Variants in ZNF469 observed in about 807,000 individuals in gnomAD.
The protein encoded by ZNF469 is zinc finger protein 469.
Under a neutral mutation model 1.0 loss-of-function variants are expected in ZNF469, and 1 was observed. The observed-to-expected ratio is 1.00, with a 90% confidence interval of 0.35 to 4.73. The LOEUF (loss-of-function observed/expected upper bound fraction) is 4.73, where lower values mean the gene tolerates loss of function less well. Among genes scored for constraint, ZNF469 ranks in the 30% most tolerant of loss-of-function variants. ZNF469 has a pLI of 0.16. For synonymous variants in ZNF469, 2,703 were observed against 2,363.4 expected, an observed-to-expected ratio of 1.14 and a Z score of -4.17; for missense variants, 6,100 against 5,356.3, an observed-to-expected ratio of 1.14 and a Z score of -4.33.
the ZNF469 span, among the ~76,000 whole-genome samples, chr16:88,343,570 G>A: frequency 3.3e-5 from 5 of 152,286 alleles, no homozygotes; most frequent in South Asian, 6.2e-4. Flanking sequence ...TGGAGACTGG[G>A]AAGTCCAAGG....
intron 1 of ZNF469, among the ~76,000 whole-genome samples, chr16:88,393,415 G>A (rs1566449): frequency 0.029 from 4,388 of 152,328 alleles, 198 homozygotes; most frequent in African/African-American, 0.1. Flanking sequence ...TTGGATGTCT[G>A]GGCTGTGTTT....
chr16:88,323,474 C>A, the ZNF469 span, among the ~76,000 whole-genome samples: 1 of 152,258 alleles, frequency 6.6e-6, no homozygotes, highest in Non-Finnish European at 1.5e-5. Context: ...CATCACTCAG[C>A]AGCAAAGGCC....
At chr16:88,133,342 T>C in the ZNF469 span, among the ~76,000 whole-genome samples, 15 of 152,344 alleles carry the variant, frequency 9.8e-5, no homozygotes, top group South Asian at 1.2e-3. Context: ...AGAACGTCTT[T>C]TGCACAGAGG....
chr16:88,179,429 C>G, the ZNF469 span, among the ~76,000 whole-genome samples: 41 of 152,352 alleles, frequency 2.7e-4, no homozygotes, highest in African/African-American at 9.9e-4. Flanking sequence ...GCAGGAGCAG[C>G]CGGAGGCCCC....
the ZNF469 span, among the ~76,000 whole-genome samples, chr16:88,211,881 C>T: frequency 6.6e-6 from 1 of 152,210 alleles, no homozygotes; most frequent in African/African-American, 2.4e-5. Flanking sequence ...GTTCACCCAG[C>T]ACCATTCCCT....
chr16:88,415,786 G>T (rs1350751862), intron 1 of ZNF469, among the ~76,000 whole-genome samples: 1 of 152,208 alleles, frequency 6.6e-6, no homozygotes, highest in East Asian at 1.9e-4. Flanking sequence ...GGGACCGACG[G>T]CTTCTTCCAG....
Position 88,439,410 on chromosome 16 carries a change from G to A in ZNF469, c.*78G>A. 6.7e-7 allele frequency: 1 copy of A among 1,483,372 alleles called. No homozygotes were observed. Among genetic ancestry groups the A allele is most frequent in the Non-Finnish European group, 9.2e-7 (1 of 1,087,800 alleles). 91.9% of individuals were successfully genotyped at this position (1,483,372 alleles called of 1,614,324 possible). On this transcript the variant is annotated 3_prime_UTR_variant, in exon 3 of 3. Coordinates refer to ENST00000565624, the MANE Select transcript of ZNF469 (RefSeq NM_001367624.2). Reference sequence around the variant, plus strand: ...CCTCCTTGGCCAGCTCCGGCTCCCTGAGATGGTCCACTCTGTGGCCACTTG... The same window carrying A: ...CCTCCTTGGCCAGCTCCGGCTCCCTAAGATGGTCCACTCTGTGGCCACTTG...
At chr16:88,322,008 CTG>C in the ZNF469 span, among the ~76,000 whole-genome samples, 1 of 152,236 alleles carries the variant, frequency 6.6e-6, no homozygotes, top group Non-Finnish European at 1.5e-5. Context: ...GGCGAGATCT[CTG>C]TGGGATGAGA....
At chr16:88,380,076 C>G (rs921576666), upstream of ZNF469, among the ~76,000 whole-genome samples, 1 of 151,802 alleles carries the variant, frequency 6.6e-6, no homozygotes, top group East Asian at 1.9e-4. Context: ...CACACAGACA[C>G]GCACTCACAC....
At position 88,429,077 on chromosome 16, in the gene ZNF469, C is replaced by T; in HGVS notation, c.1607C>T (p.Ala536Val). 1 of 1,550,004 alleles carries T rather than the reference C, an allele frequency of 6.5e-7. No individual in the cohort carries two copies. The change falls in exon 3 of 3, where the codon GCC (alanine) becomes GTC (valine). Residue 536 changes from alanine to valine, a missense_variant. Ala to Val is a moderately conservative substitution (Grantham distance 64). Coordinates refer to ENST00000565624, the MANE Select transcript of ZNF469 (RefSeq NM_001367624.2). ...CCGGGACCCAGAGAGAAGCTGCCAG[C>T]CGTGAGAAGCAGCCAGGGCGGCTCC... ...KTPGPREKLP[A>V]VRSSQGGSPA...
At chr16:88,364,933 C>G in the ZNF469 span, among the ~76,000 whole-genome samples, 4 of 152,076 alleles carry the variant, frequency 2.6e-5, no homozygotes, top group African/African-American at 9.7e-5. Context: ...CCACTGCACT[C>G]CAGCCTGGGC....
At chr16:88,137,012 A>G in the ZNF469 span, among the ~76,000 whole-genome samples, 1 of 152,256 alleles carries the variant, frequency 6.6e-6, no homozygotes, top group Non-Finnish European at 1.5e-5. Context: ...GTGTGTGCGT[A>G]TAGCCATGTG....
the ZNF469 span, among the ~76,000 whole-genome samples, chr16:88,307,388 G>C: frequency 3.9e-5 from 6 of 152,254 alleles, no homozygotes; most frequent in Non-Finnish European, 5.9e-5. Context: ...TACAGTCACT[G>C]TACAGTTAAC....
the ZNF469 span, among the ~76,000 whole-genome samples, chr16:88,255,394 C>G: frequency 9.6e-4 from 147 of 152,352 alleles, 1 homozygote; most frequent in African/African-American, 3.4e-3. Context: ...ATCATCCCAA[C>G]ACAGCTATAA....
chr16:88,191,932 C>G, the ZNF469 span, among the ~76,000 whole-genome samples: 2 of 152,146 alleles, frequency 1.3e-5, no homozygotes, highest in African/African-American at 2.4e-5. Flanking sequence ...TATTGAAGTC[C>G]TAACACCCAG....
chr16:88,414,705 C>G (rs1463449572), intron 1 of ZNF469, among the ~76,000 whole-genome samples: 1 of 152,262 alleles, frequency 6.6e-6, no homozygotes. Flanking sequence ...AGAAGGACGT[C>G]CCAGTGGGGG....
chr16:88,236,698 C>T, the ZNF469 span, among the ~76,000 whole-genome samples: 24 of 152,262 alleles, frequency 1.6e-4, no homozygotes, highest in East Asian at 4.6e-3. Context: ...AAAACCCCAT[C>T]TCTACTAAAA....
chr16:88,332,691 C>T, the ZNF469 span, among the ~76,000 whole-genome samples: 5 of 152,154 alleles, frequency 3.3e-5, no homozygotes, highest in South Asian at 2.1e-4. Context: ...CTCCAGAACC[C>T]GTGGGTTGAG....
chr16:88,246,560 T>A, the ZNF469 span, among the ~76,000 whole-genome samples: 4 of 152,244 alleles, frequency 2.6e-5, no homozygotes, highest in Non-Finnish European at 4.4e-5. Flanking sequence ...CCAAGAGCGC[T>A]TGCTAAAACA....
Sources: gnomAD v4.1 joint callset for allele counts (sites outside exome capture counted in the v4.1 genomes callset) on GRCh38, gnomAD v4.1.1 for gene constraint, MANE v1.5 for transcripts, NCBI Gene and HGNC (gene_info 2026-07-23, HGNC 2026-07-21) for gene names.